The following SLC12A6 variants were observed in gnomAD, a reference collection of about 807,000 sequenced individuals.
The protein encoded by SLC12A6 is K-Cl cotransporter 3.
SLC12A6 carries 66 observed loss-of-function variants against 135.3 expected under a neutral mutation model. The observed-to-expected ratio is 0.49, with a 90% confidence interval of 0.40 to 0.60. SLC12A6 has a LOEUF of 0.60. Among genes scored for constraint, SLC12A6 ranks in the 20% least tolerant of loss-of-function variants. The pLI is 0.00. For synonymous variants in SLC12A6, 513 were observed against 508.8 expected, an observed-to-expected ratio of 1.01 and a Z score of -0.11; for missense variants, 1,058 against 1,452.3, an observed-to-expected ratio of 0.73 and a Z score of 4.41.
rs1374588070 is a variant in SLC12A6, at chr15:34,254,430, G to C, written c.1036C>G (p.Leu346Val). 2 of 1,613,644 alleles carry C rather than the reference G, an allele frequency of 1.2e-6. No homozygotes were observed. The highest frequency in any genetic ancestry group is 1.7e-6 in the Non-Finnish European group (2 of 1,179,690). ...GACACAATGACACAGGCCAGGAAAA[G>C]TGAGGCAAACTTGTTCACATAGCGT... ...GVRYVNKFAS[L>V]FLACVIVSIL... Residue 346 changes from leucine to valine, a missense_variant, in exon 9 of 26, where the codon CTT becomes GTT. Physicochemically the swap from Leu to Val is conservative, Grantham distance 32. Around this residue, in one of 6 missense-constraint regions of SLC12A6, gnomAD observed 297 missense variants for 318.5 expected, o/e 0.93. Coordinates refer to ENST00000354181, the MANE Select transcript of SLC12A6 (RefSeq NM_001365088.1).
Position 34,238,340 on chromosome 15 carries a change from G to A in SLC12A6, c.2694C>T (p.Phe898=). Residue 898 remains phenylalanine, a synonymous_variant, in exon 21 of 26, where the codon TTC becomes TTT. Coordinates refer to ENST00000354181, the MANE Select transcript of SLC12A6 (RefSeq NM_001365088.1). ...AAAATTGCTCCACATTGCTGGGAAA[G>A]AAGGAGATGTTTTTAGCCACCAGCA... ...LALLVAKNIS[F]FPSNVEQFSE... The A allele has an allele frequency of 6.2e-7, 1 of 1,613,610 alleles. No individual in the cohort carries two copies. The highest frequency in any genetic ancestry group is 1.3e-5 in the African/African-American group (1 of 75,058).
intron 2 of SLC12A6, among the ~76,000 whole-genome samples, chr15:34,302,107 A>G (rs1036652405): frequency 6.6e-6 from 1 of 152,258 alleles, no homozygotes; most frequent in East Asian, 1.9e-4. Context: ...TTATACTTCT[A>G]ATTCACAGCC....
intron 25 of SLC12A6, among the ~76,000 whole-genome samples, chr15:34,234,401 T>A (rs570937677): frequency 1.3e-5 from 2 of 152,196 alleles, no homozygotes; most frequent in African/African-American, 4.8e-5. Flanking sequence ...GAGACAGAAT[T>A]TCCTCTTGTT....
chr15:34,289,420 A>C (rs1895357080), intron 2 of SLC12A6, among the ~76,000 whole-genome samples: 1 of 146,310 alleles, frequency 6.8e-6, no homozygotes, highest in Non-Finnish European at 1.5e-5. Flanking sequence ...ATCAATGTTC[A>C]TCAGGGATAT....
At chr15:34,266,586 C>T (rs112500019) in intron 3 of SLC12A6, among the ~76,000 whole-genome samples, 130 of 152,210 alleles carry the variant, frequency 8.5e-4, no homozygotes, top group Non-Finnish European at 1.4e-3. Flanking sequence ...GGACTACAGG[C>T]TTATGCCACC....
intron 2 of SLC12A6, among the ~76,000 whole-genome samples, chr15:34,319,789 ACT>A (rs1020027516): frequency 6.6e-6 from 1 of 150,938 alleles, no homozygotes; most frequent in Non-Finnish European, 1.5e-5. Flanking sequence ...ACAGAGCGAG[ACT>A]CTGTCTAAAA....
intron 7 of SLC12A6, 157 bp from the exon 8 acceptor site, chr15:34,255,549 A>G (rs982618396): frequency 3.8e-6 from 2 of 525,938 alleles, no homozygotes; most frequent in Non-Finnish European, 6.6e-6. Flanking sequence ...AGTGGGAAGT[A>G]AAAGGTGAAA....
chr15:34,334,706 T>C (rs762997565), intron 2 of SLC12A6, among the ~76,000 whole-genome samples: 8 of 152,212 alleles, frequency 5.3e-5, no homozygotes, highest in Non-Finnish European at 1.0e-4. Flanking sequence ...AAGTAAGGAA[T>C]GTGTTATATA....
At chr15:34,284,277 CTTT>C (rs71415558) in intron 2 of SLC12A6, among the ~76,000 whole-genome samples, 15 of 92,480 alleles carry the variant, frequency 1.6e-4, no homozygotes, top group African/African-American at 5.3e-4. Flanking sequence ...TGTTTCTTTT[CTTT>C]TTTTTTTTTT....
At chr15:34,306,049 C>T (rs1436611560) in intron 2 of SLC12A6, among the ~76,000 whole-genome samples, 1 of 152,206 alleles carries the variant, frequency 6.6e-6, no homozygotes, top group Non-Finnish European at 1.5e-5. Context: ...GCGTGAGCCA[C>T]CGTGCCCAGC....
chr15:34,236,559 G>A (rs1891280958), intron 23 of SLC12A6, 149 bp downstream of exon 23: 5 of 676,038 alleles, frequency 7.4e-6, no homozygotes, highest in East Asian at 3.0e-5. Context: ...GGCCAGGCTG[G>A]TCTTGAACTC....
intron 2 of SLC12A6, among the ~76,000 whole-genome samples, chr15:34,308,939 C>T (rs1887958499): frequency 6.6e-6 from 1 of 152,048 alleles, no homozygotes; most frequent in African/African-American, 2.4e-5. Context: ...AAAATAATGG[C>T]TTTAGAGCTA....
chr15:34,318,515 A>G (rs755866135), intron 2 of SLC12A6: 1 of 1,482,694 alleles, frequency 6.7e-7, no homozygotes, highest in Non-Finnish European at 9.4e-7. Context: ...TACTTCTTTC[A>G]TGAAACATTT....
chr15:34,271,948 A>T (rs1893984478), intron 3 of SLC12A6, among the ~76,000 whole-genome samples: 1 of 151,894 alleles, frequency 6.6e-6, no homozygotes, highest in Non-Finnish European at 1.5e-5. Flanking sequence ...AGAGCTGGGA[A>T]GATTTTCTTT....
chr15:34,253,061 T>C (rs1019079509), intron 9 of SLC12A6, among the ~76,000 whole-genome samples: 2 of 152,198 alleles, frequency 1.3e-5, no homozygotes, highest in African/African-American at 4.8e-5. Flanking sequence ...CCTGCTGGTT[T>C]TACTTTTTTC....
At chr15:34,235,892 C>T in intron 24 of SLC12A6, 123 bp downstream of exon 24, 1 of 818,140 alleles carries the variant, frequency 1.2e-6, no homozygotes, top group Non-Finnish European at 2.2e-6. Flanking sequence ...AACAGGCAAA[C>T]AATAATGAGG....
intron 2 of SLC12A6, among the ~76,000 whole-genome samples, chr15:34,327,607 G>A (rs1198893749): frequency 6.6e-6 from 1 of 151,716 alleles, no homozygotes; most frequent in African/African-American, 2.4e-5. Context: ...GCAGTGAGCC[G>A]AGACCGCATC....
intron 2 of SLC12A6, among the ~76,000 whole-genome samples, chr15:34,282,347 A>G (rs1168104062): frequency 6.6e-6 from 1 of 152,234 alleles, no homozygotes; most frequent in Non-Finnish European, 1.5e-5. Context: ...GCATTCCTAA[A>G]CACATAGGAA....
At chr15:34,239,517 C>T (rs1199130691) in intron 19 of SLC12A6, among the ~76,000 whole-genome samples, 1 of 152,198 alleles carries the variant, frequency 6.6e-6, no homozygotes, top group Non-Finnish European at 1.5e-5. Context: ...ATTGTGAACA[C>T]GATCTCCTTC....
Sources: allele counts gnomAD v4.1 joint callset (sites outside exome capture counted in the v4.1 genomes callset), GRCh38; gene constraint gnomAD v4.1.1; regional missense constraint gnomAD v4.1.1; transcripts MANE v1.5; gene names NCBI Gene and HGNC (gene_info 2026-07-23, HGNC 2026-07-21).